Variants in ACRBP observed in about 807,000 individuals in gnomAD.
The protein encoded by ACRBP is acrosin binding protein.
In ACRBP, 52 loss-of-function variants were observed where a neutral mutation model predicts 69.0. The observed-to-expected ratio is 0.75, with a 90% confidence interval of 0.60 to 0.95. The LOEUF (loss-of-function observed/expected upper bound fraction) is 0.95, where lower values mean the gene tolerates loss of function less well. Among genes scored for constraint, ACRBP ranks in the 40% least tolerant of loss-of-function variants. The pLI, the probability that ACRBP is intolerant of heterozygous loss-of-function variation, is 0.00. For missense variants in ACRBP, 604 were observed against 673.0 expected, an observed-to-expected ratio of 0.90 and a Z score of 1.13; for synonymous variants, 267 against 258.9, an observed-to-expected ratio of 1.03 and a Z score of -0.30.
At chr12:6,639,982 A>G in intron 8 of ACRBP, 78 bp downstream of exon 8, 3 of 1,525,488 alleles carry the variant, frequency 2.0e-6, no homozygotes, top group Non-Finnish European at 2.7e-6. Context: ...TCCACAAACT[A>G]GCGCTACTCA....
chr12:6,643,665 C>T lies in ACRBP; in HGVS notation c.951G>A (p.Leu317=), dbSNP rs1949068893. 2 of 1,613,944 alleles carry T rather than the reference C, an allele frequency of 1.2e-6. No individual in the cohort carries two copies. The highest frequency in any genetic ancestry group is 1.1e-5 in the South Asian group (1 of 91,080). ...YWRNQNPGSL[L]QLPHTEALLV... ...GCAAGGCCTCTGTGTGGGGCAGCTG[C>T]AGGAGGCTGCAAGAAGACAGCACTG... Residue 317 remains leucine (L), a synonymous_variant, in exon 6 of 10, where the codon CTG becomes CTA. Coordinates refer to ENST00000229243, the MANE Select transcript of ACRBP (RefSeq NM_032489.3).
At chr12:6,643,756 G>T in intron 5 of ACRBP, 85 bp from the exon 6 acceptor site, 1 of 1,543,484 alleles carries the variant, frequency 6.5e-7, no homozygotes, top group Non-Finnish European at 8.8e-7. Context: ...TTCCCTTAGT[G>T]TCTGCTTTGG....
rs566698330 is a variant in ACRBP at position 6,641,097 on chromosome 12, C to G, written c.1078-575G>C. Among the ~76,000 whole-genome samples the G allele has an allele frequency of 3.9e-5, 6 of 152,346 alleles. No individual in the cohort carries two copies. In the East Asian group the frequency reaches 1.2e-3, roughly 29 times the overall value. ...GAGTAAGTTGCTCAAAGCCACTTAT[C>G]TAACAGATGGGGAAGCTGGGACATG... On this transcript the variant is annotated intron_variant, in intron 6 of 9. Transcript: ENST00000229243.
At chr12:6,647,067 G>T in intron 1 of ACRBP, 55 bp from the exon 2 acceptor site, 3 of 1,499,876 alleles carry the variant, frequency 2.0e-6, no homozygotes, top group Non-Finnish European at 2.7e-6. Flanking sequence ...CCCGCTCCGA[G>T]ACCAGGACAG....
Position 6,645,243 on chromosome 12 carries a change from G to A in ACRBP, c.452C>T (p.Ser151Phe). The change falls in exon 4 of 10, where the codon TCC becomes TTC. Residue 151 changes from serine (S) to phenylalanine (F), a missense_variant. Ser to Phe is a radical substitution (Grantham distance 155, BLOSUM62 -2). This residue lies in a region of ACRBP where 532 missense variants were observed against 562.9 expected (regional missense o/e 0.95). Transcript: ENST00000229243. ...ACCTGTGAAGTGGGGTGAGATGGGG[G>A]AGGTCATCGTGGTGGGTGAGACTTC... ...SAEVSPTTMT[S>F]PISPHFTVTE... 6.2e-7 allele frequency: 1 copy of A among 1,613,646 alleles called. No individual in the cohort carries two copies. Among genetic ancestry groups the A allele is most frequent in the Non-Finnish European group, 8.5e-7 (1 of 1,179,768 alleles).
At chr12:6,647,120 C>A in intron 1 of ACRBP, 108 bp from the exon 2 acceptor site, 1 of 1,160,206 alleles carries the variant, frequency 8.6e-7, no homozygotes, top group East Asian at 2.6e-5. Context: ...GAGGGTTATC[C>A]CTGCTGACCA....
intron 8 of ACRBP, among the ~76,000 whole-genome samples, chr12:6,639,386 T>C (rs1592305710): frequency 2.6e-5 from 4 of 152,044 alleles, no homozygotes; most frequent in African/African-American, 9.7e-5. Context: ...CTGGTAATGG[T>C]AGATAAGGGA....
At chr12:6,643,169 G>A (rs1292214650) in intron 6 of ACRBP, among the ~76,000 whole-genome samples, 2 of 152,030 alleles carry the variant, frequency 1.3e-5, no homozygotes, top group Non-Finnish European at 2.9e-5. Context: ...ATGAGAGGAG[G>A]ATCACTTGAG....
intron 5 of ACRBP, 122 bp from the exon 6 acceptor site, chr12:6,643,793 G>T (rs986672434): frequency 7.2e-7 from 1 of 1,391,780 alleles, no homozygotes; most frequent in South Asian, 1.3e-5. Context: ...TGCTTAGCAT[G>T]GGGCCTTAGA....
At chr12:6,643,980 C>CA in intron 5 of ACRBP, 157 bp downstream of exon 5, 1 of 1,398,220 alleles carries the variant, frequency 7.2e-7, no homozygotes, top group Non-Finnish European at 9.5e-7. Flanking sequence ...CTTAAGCCAA[C>CA]AATGGGCACA....
intron 4 of ACRBP, among the ~76,000 whole-genome samples, chr12:6,645,005 GC>G (rs1412832797): frequency 6.6e-6 from 1 of 152,200 alleles, no homozygotes; most frequent in Non-Finnish European, 1.5e-5. Context: ...TGGATTCAGG[GC>G]AAAATTGTAA....
Position 6,640,492 on chromosome 12 carries a change from A to T in ACRBP, c.1108T>A (p.Ser370Thr), listed in dbSNP as rs866151180. The change falls in exon 7 of 10, where the codon TCT becomes ACT. Residue 370 changes from serine to threonine, a missense_variant. Transcript: ENST00000229243. This position sits in a 1 kb window ranked among gnomAD's most constrained non-coding sequence, Gnocchi z 5.3. ...VCDSLGRRHM[S>T]TCALCDFCSL... is the part of the protein sequence containing the mutation. The stretch of plus-strand genomic sequence containing the variant: ...CAGAAGTCACAGAGGGCACAGGTAG[A>T]CATGTGTCGCCGCCCAAGGCTGTCA... The T allele has an allele frequency of 6.2e-7, 1 of 1,614,076 alleles. No individual in the cohort carries two copies.
At chr12:6,641,589 C>A (rs1432339212) in intron 6 of ACRBP, among the ~76,000 whole-genome samples, 1 of 152,146 alleles carries the variant, frequency 6.6e-6, no homozygotes, top group Non-Finnish European at 1.5e-5. Context: ...CAGTGAGCTC[C>A]CTCCATAAAA....
chr12:6,647,255 A>G, intron 1 of ACRBP, 69 bp downstream of exon 1: 1 of 1,499,996 alleles, frequency 6.7e-7, no homozygotes, highest in South Asian at 1.3e-5. Context: ...GAAACCGTAA[A>G]AGCAGAGCTC....
intron 3 of ACRBP, among the ~76,000 whole-genome samples, chr12:6,645,658 T>C (rs11064299): frequency 0.02 from 451 of 22,172 alleles, 1 homozygote; most frequent in Non-Finnish European, 0.052. Context: ...TTTGGGTTTG[T>C]TTTTTTTGTT....
chr12:6,642,684 A>C (rs1949061258), intron 6 of ACRBP, among the ~76,000 whole-genome samples: 1 of 152,196 alleles, frequency 6.6e-6, no homozygotes, highest in African/African-American at 2.4e-5. Flanking sequence ...TACCTCATTC[A>C]TTTTTATGTT....
chr12:6,644,048 G>A (rs868442820), intron 5 of ACRBP, 89 bp downstream of exon 5: 24 of 1,514,050 alleles, frequency 1.6e-5, no homozygotes, highest in Middle Eastern at 3.8e-4. Context: ...GAGTGGATCT[G>A]GAGGCTGAAG....
At position 6,640,139 on chromosome 12, in the gene ACRBP, T is replaced by C; in HGVS notation, c.1346A>G (p.Lys449Arg). Reference protein sequence around the residue: ...MDFWCARLATKGCEDVRVSGW... With the variant: ...MDFWCARLATRGCEDVRVSGW... Reference sequence around the variant, plus strand: ...AGAGACTCGGACATCTTCACAGCCTTTCGTGGCAAGCCGGGCACACCAGAA... The same window carrying C: ...AGAGACTCGGACATCTTCACAGCCTCTCGTGGCAAGCCGGGCACACCAGAA... Residue 449 changes from lysine to arginine, a missense_variant, in exon 8 of 10, where the codon AAA becomes AGA. Lys to Arg is a conservative substitution (Grantham distance 26). This residue lies in a region of ACRBP where 532 missense variants were observed against 562.9 expected (regional missense o/e 0.95). Transcript: ENST00000229243. The surrounding 1 kb of genome is among the most constrained non-coding windows in gnomAD (Gnocchi z 5.3). 6.2e-7 allele frequency: 1 copy of C among 1,614,172 alleles called. No homozygotes were observed. Among genetic ancestry groups the C allele is most frequent in the Non-Finnish European group, 8.5e-7 (1 of 1,180,024 alleles).
rs1192592577 is a variant in ACRBP, at chr12:6,647,099, A to G, written c.44-87T>C. The G allele has an allele frequency of 9.4e-6, 12 of 1,280,758 alleles. 1 individual carries two copies. The highest frequency in any genetic ancestry group is 2.5e-4 in the Middle Eastern group (1 of 4,024). The allele number at this position is 1,280,758 out of a possible 1,614,324, so 79.3% of individuals were successfully genotyped here. On this transcript the variant is annotated intron_variant, in intron 1 of 9. Coordinates refer to ENST00000229243, the MANE Select transcript of ACRBP (RefSeq NM_032489.3). ...ACAGACAGACCCAGACTGGCAAATT[A>G]GGAACGGGGTGAGGGTTATCCCTGC...
Sources: gnomAD v4.1 joint callset for allele counts (sites outside exome capture counted in the v4.1 genomes callset) on GRCh38, gnomAD v4.1.1 for gene constraint, gnomAD v4.1.1 regional missense constraint, Gnocchi (gnomAD v3.1) non-coding constraint, MANE v1.5 for transcripts, NCBI Gene and HGNC (gene_info 2026-07-23, HGNC 2026-07-21) for gene names.